The following RPS6KC1 variants were observed in gnomAD, a reference collection of about 807,000 sequenced individuals.
RPS6KC1 encodes the protein ribosomal protein S6 kinase C1.
RPS6KC1 carries 54 observed loss-of-function variants against 103.8 expected under a neutral mutation model. The ratio of observed to expected loss-of-function variants is 0.52; its 90% CI spans 0.42 to 0.65. The LOEUF (loss-of-function observed/expected upper bound fraction) is 0.65, where lower values mean the gene tolerates loss of function less well. Among genes scored for constraint, RPS6KC1 ranks in the 30% least tolerant of loss-of-function variants. The probability of loss-of-function intolerance (pLI) is 0.00; values close to 1 mark genes in which losing one functional copy is unlikely to be tolerated. For synonymous variants in RPS6KC1, 439 were observed against 438.7 expected (o/e 1.00, Z -0.01); for missense variants, 1,151 against 1,253.8 (o/e 0.92, Z 1.24).
chr1:213,511,156 C>T, the RPS6KC1 span, among the ~76,000 whole-genome samples: 48 of 148,814 alleles, frequency 3.2e-4, no homozygotes, highest in Admixed American at 1.5e-3. Context: ...AAATCTGTTA[C>T]GAATTTTAAA....
At chr1:213,278,377 A>G (rs2095116304), downstream of RPS6KC1, among the ~76,000 whole-genome samples, 1 of 152,150 alleles carries the variant, frequency 6.6e-6, no homozygotes, top group Admixed American at 6.5e-5. Context: ...TATGTGGGAT[A>G]TACATATAAA....
intron 4 of RPS6KC1, among the ~76,000 whole-genome samples, chr1:213,111,881 T>C (rs578120952): frequency 1.6e-4 from 24 of 152,342 alleles, no homozygotes; most frequent in African/African-American, 5.8e-4. Context: ...GAATAGATAT[T>C]CTTTTTGGAG....
At chr1:213,667,111 A>G in the RPS6KC1 span, among the ~76,000 whole-genome samples, 4 of 152,230 alleles carry the variant, frequency 2.6e-5, no homozygotes, top group Non-Finnish European at 5.9e-5. Flanking sequence ...TCCAGAAGCA[A>G]CAAGTGACAG....
At chr1:213,124,866 G>A (rs1035613995) in intron 5 of RPS6KC1, among the ~76,000 whole-genome samples, 2 of 152,058 alleles carry the variant, frequency 1.3e-5, no homozygotes, top group African/African-American at 4.8e-5. Context: ...AACTTCAAGA[G>A]GATAATTAAA....
At chr1:213,231,590 G>C (rs2094106050) in intron 9 of RPS6KC1, among the ~76,000 whole-genome samples, 1 of 152,148 alleles carries the variant, frequency 6.6e-6, no homozygotes, top group Admixed American at 6.5e-5. Flanking sequence ...GTGTGTGTGT[G>C]AATATACTTT....
At chr1:213,844,486 AATTT>A in the RPS6KC1 span, among the ~76,000 whole-genome samples, 1 of 152,202 alleles carries the variant, frequency 6.6e-6, no homozygotes, top group African/African-American at 2.4e-5. Context: ...ATGCATATTT[AATTT>A]AAGAATGCAT....
the RPS6KC1 span, among the ~76,000 whole-genome samples, chr1:213,475,286 T>C: frequency 2.0e-5 from 3 of 152,228 alleles, no homozygotes; most frequent in Non-Finnish European, 4.4e-5. Context: ...TTTCCAAATG[T>C]AGTCATCAGT....
At chr1:213,128,300 G>T (rs1160183070) in intron 5 of RPS6KC1, among the ~76,000 whole-genome samples, 1 of 151,876 alleles carries the variant, frequency 6.6e-6, no homozygotes, top group Non-Finnish European at 1.5e-5. Context: ...TTTTTGTTTT[G>T]GAAAATATAG....
At chr1:213,181,634 T>G (rs2148363650) in intron 8 of RPS6KC1, among the ~76,000 whole-genome samples, 1 of 152,302 alleles carries the variant, frequency 6.6e-6, no homozygotes, top group East Asian at 1.9e-4. Flanking sequence ...ATTTGCTCAT[T>G]AAGGGAACAC....
the RPS6KC1 span, among the ~76,000 whole-genome samples, chr1:213,810,713 A>G: frequency 6.6e-6 from 1 of 152,230 alleles, no homozygotes; most frequent in South Asian, 2.1e-4. Flanking sequence ...CACCACTGCT[A>G]CCAACACTTT....
chr1:213,057,836 T>A (rs946754665), intron 1 of RPS6KC1, among the ~76,000 whole-genome samples: 1 of 137,688 alleles, frequency 7.3e-6, no homozygotes, highest in African/African-American at 2.6e-5. Flanking sequence ...TGATCATGGC[T>A]CACTGTAGCC....
chr1:213,265,070 A>G (rs986925710), intron 14 of RPS6KC1, among the ~76,000 whole-genome samples: 2 of 152,148 alleles, frequency 1.3e-5, no homozygotes, highest in African/African-American at 2.4e-5. Context: ...ACCAAAACAA[A>G]TTTTCATGCC....
At chr1:213,069,468 C>T (rs576912515) in intron 1 of RPS6KC1, among the ~76,000 whole-genome samples, 41 of 152,240 alleles carry the variant, frequency 2.7e-4, no homozygotes, top group South Asian at 1.7e-3. Flanking sequence ...TCCGTTTTAT[C>T]GATGAGATCA....
At chr1:213,687,773 A>G in the RPS6KC1 span, among the ~76,000 whole-genome samples, 3 of 152,222 alleles carry the variant, frequency 2.0e-5, no homozygotes, top group African/African-American at 7.2e-5. Flanking sequence ...ATCAATAATC[A>G]TGGGGACTGA....
chr1:213,822,328 T>C, the RPS6KC1 span: 9 of 152,332 alleles, frequency 5.9e-5, no homozygotes, highest in East Asian at 1.5e-3. Flanking sequence ...GCTCAGACCT[T>C]GAATCTCTTC....
the RPS6KC1 span, among the ~76,000 whole-genome samples, chr1:213,448,403 G>T: frequency 1.7e-3 from 263 of 152,144 alleles, no homozygotes; most frequent in African/African-American, 6.0e-3. Context: ...GAAACCCCCG[G>T]ATGATTCTTA....
the RPS6KC1 span, among the ~76,000 whole-genome samples, chr1:213,306,347 C>G: frequency 6.6e-6 from 1 of 152,064 alleles, no homozygotes; most frequent in Non-Finnish European, 1.5e-5. Flanking sequence ...ATCAAAAAAA[C>G]CCTTAAAATA....
the RPS6KC1 span, among the ~76,000 whole-genome samples, chr1:213,616,274 G>A: frequency 1.3e-5 from 2 of 152,234 alleles, no homozygotes; most frequent in Non-Finnish European, 2.9e-5. Flanking sequence ...AGGAAGGGGA[G>A]GTCTGTGGGG....
chr1:213,400,613 T>A, the RPS6KC1 span, among the ~76,000 whole-genome samples: 2 of 152,094 alleles, frequency 1.3e-5, no homozygotes, highest in African/African-American at 4.8e-5. Context: ...TAGCAGCAGC[T>A]TTGGGACTGG....
Sources: gnomAD v4.1 joint callset for allele counts (sites outside exome capture counted in the v4.1 genomes callset) on GRCh38, gnomAD v4.1.1 for gene constraint, MANE v1.5 for transcripts, NCBI Gene and HGNC (gene_info 2026-07-23, HGNC 2026-07-21) for gene names.